Variants in TP63 observed in about 807,000 individuals in gnomAD.
The protein encoded by TP63 is tumor protein p63.
TP63 carries 17 observed loss-of-function variants against 82.8 expected under a neutral mutation model. The observed-to-expected ratio is 0.21, with a 90% CI of 0.14 to 0.31. The LOEUF (loss-of-function observed/expected upper bound fraction) is 0.31, where lower values mean the gene tolerates loss of function less well. Ranked by LOEUF, TP63 falls within the 10% of genes least tolerant of loss-of-function variation. The pLI, the probability that TP63 is intolerant of heterozygous loss-of-function variation, is 1.00. For missense variants in TP63, 648 were observed against 895.3 expected, an observed-to-expected ratio of 0.72 and a Z score of 3.52; for synonymous variants, 330 against 321.7, an observed-to-expected ratio of 1.03 and a Z score of -0.28.
At chr3:189,715,942 C>T (rs916656463) in intron 1 of TP63, among the ~76,000 whole-genome samples, 1 of 152,164 alleles carries the variant, frequency 6.6e-6, no homozygotes, top group African/African-American at 2.4e-5. Flanking sequence ...CACTTTCAAC[C>T]ACTTTAGCTT....
intron 4 of TP63, among the ~76,000 whole-genome samples, chr3:189,857,585 G>T: frequency 6.6e-6 from 1 of 152,102 alleles, no homozygotes; most frequent in Non-Finnish European, 1.5e-5. Flanking sequence ...ATGTATATCT[G>T]ATAAAAGACT....
chr3:189,673,013 G>A (rs1219176806), intron 1 of TP63, among the ~76,000 whole-genome samples: 1 of 152,016 alleles, frequency 6.6e-6, no homozygotes, highest in East Asian at 1.9e-4. Context: ...GCTAATTTTT[G>A]TATTTTTAGT....
chr3:189,644,311 C>G (rs1199572433), intron 1 of TP63, among the ~76,000 whole-genome samples: 2 of 151,382 alleles, frequency 1.3e-5, no homozygotes, highest in Non-Finnish European at 2.9e-5. Flanking sequence ...TTGCACCAAG[C>G]CTGTTCCTTC....
intron 1 of TP63, among the ~76,000 whole-genome samples, chr3:189,686,014 C>G (rs1278935254): frequency 6.6e-6 from 1 of 152,174 alleles, no homozygotes; most frequent in African/African-American, 2.4e-5. Context: ...GAGTACTGCA[C>G]TTCATATTTC....
intron 3 of TP63, among the ~76,000 whole-genome samples, chr3:189,780,809 A>C (rs1421539870): frequency 6.6e-6 from 1 of 152,100 alleles, no homozygotes; most frequent in Non-Finnish European, 1.5e-5. Flanking sequence ...TACCTAAATT[A>C]CTTCCACCTC....
chr3:189,742,414 T>TA (rs1309722398), intron 3 of TP63, among the ~76,000 whole-genome samples: 11 of 151,188 alleles, frequency 7.3e-5, no homozygotes, highest in African/African-American at 2.7e-4. Context: ...TTTCGCAATT[T>TA]TTTTTTTTTT....
Position 189,896,302 on chromosome 3 carries a change from T to C in TP63, c.*1800T>C, listed in dbSNP as rs1721466508. The C allele has an allele frequency of 4.7e-6, 1 of 214,956 alleles. No homozygotes were observed. Among genetic ancestry groups the C allele is most frequent in the Admixed American group, 5.8e-5 (1 of 17,120 alleles). The allele number at this position is 214,956 out of a possible 1,614,324, so 13.3% of individuals were successfully genotyped here. A position where few individuals can be genotyped will look rare whatever the true frequency, so the allele number is the denominator to read the frequency against. On this transcript the variant is annotated 3_prime_UTR_variant, in exon 14 of 14. Transcript: ENST00000264731. Reference sequence around the variant, plus strand: ...TATTTTGATTATTTTTTTTTTCTTCTTGGGATAGTGGGATTTCCAGAACCA... The same window carrying C: ...TATTTTGATTATTTTTTTTTTCTTCCTGGGATAGTGGGATTTCCAGAACCA...
the TP63 span, among the ~76,000 whole-genome samples, chr3:189,617,590 G>C: frequency 6.0e-4 from 92 of 152,308 alleles, no homozygotes; most frequent in African/African-American, 2.1e-3. Context: ...AATAAAGAGA[G>C]ATATAATAAG....
At chr3:189,682,403 G>T (rs1289129081) in intron 1 of TP63, among the ~76,000 whole-genome samples, 2 of 147,104 alleles carry the variant, frequency 1.4e-5, no homozygotes, top group Admixed American at 1.4e-4. Flanking sequence ...CTAGGAGGGG[G>T]GTACCTTTCT....
At chr3:189,639,190 A>G (rs946203109) in intron 1 of TP63, among the ~76,000 whole-genome samples, 1 of 152,132 alleles carries the variant, frequency 6.6e-6, no homozygotes, top group Non-Finnish European at 1.5e-5. Flanking sequence ...TAGATAAAAT[A>G]CTGTAATTAC....
intron 9 of TP63, 40 bp downstream of exon 9, chr3:189,869,446 C>G (rs2108810066): frequency 6.4e-7 from 1 of 1,557,188 alleles, no homozygotes. Flanking sequence ...TTCATTTTAA[C>G]CTTCTTTGAA....
At chr3:189,745,635 A>T (rs1185001340) in intron 3 of TP63, among the ~76,000 whole-genome samples, 1 of 131,458 alleles carries the variant, frequency 7.6e-6, no homozygotes, top group Non-Finnish European at 1.6e-5. Context: ...TGAACCCAGG[A>T]GGCGGAGGTT....
At chr3:189,638,889 C>T (rs1194591642) in intron 1 of TP63, among the ~76,000 whole-genome samples, 1 of 152,154 alleles carries the variant, frequency 6.6e-6, no homozygotes, top group Non-Finnish European at 1.5e-5. Flanking sequence ...TTGAAAATCA[C>T]TACCTACAGT....
intron 4 of TP63, among the ~76,000 whole-genome samples, chr3:189,816,116 A>G (rs1048422591): frequency 5.9e-5 from 9 of 152,242 alleles, no homozygotes; most frequent in African/African-American, 2.2e-4. Flanking sequence ...TGAGATTTAA[A>G]GGGCTTCTAA....
At chr3:189,631,598 A>G (rs188027528) in intron 1 of TP63, 21 bp downstream of exon 1, 3 of 1,612,580 alleles carry the variant, frequency 1.9e-6, no homozygotes, top group South Asian at 1.1e-5. Context: ...ATGTGACATA[A>G]CTTCTCTCAA....
At chr3:189,832,457 G>A (rs1422643096) in intron 4 of TP63, among the ~76,000 whole-genome samples, 3 of 152,136 alleles carry the variant, frequency 2.0e-5, no homozygotes, top group South Asian at 2.1e-4. Context: ...GAGACAGCTC[G>A]CCAGCTAAAC....
At chr3:189,779,477 A>G (rs1467364386) in intron 3 of TP63, among the ~76,000 whole-genome samples, 1 of 152,210 alleles carries the variant, frequency 6.6e-6, no homozygotes, top group Non-Finnish European at 1.5e-5. Context: ...ATGTAGGGAA[A>G]AAAGCTGCAA....
At chr3:189,765,424 T>C (rs1267437101) in intron 3 of TP63, among the ~76,000 whole-genome samples, 1 of 140,250 alleles carries the variant, frequency 7.1e-6, no homozygotes, top group South Asian at 2.3e-4. Flanking sequence ...GTAAATATCC[T>C]GTCCTCTGCT....
At chr3:189,610,895 C>A in the TP63 span, among the ~76,000 whole-genome samples, 1 of 152,166 alleles carries the variant, frequency 6.6e-6, no homozygotes, top group African/African-American at 2.4e-5. Flanking sequence ...TAACATCTTA[C>A]ATGAATGGCA....
Sources: gnomAD v4.1 joint callset for allele counts (sites outside exome capture counted in the v4.1 genomes callset) on GRCh38, gnomAD v4.1.1 for gene constraint, MANE v1.5 for transcripts, NCBI Gene and HGNC (gene_info 2026-07-23, HGNC 2026-07-21) for gene names.